FAT2: variants seen among roughly 807,000 people sequenced by gnomAD.
FAT2 encodes protocadherin Fat 2.
Under a neutral mutation model 295.3 loss-of-function variants are expected in FAT2, and 150 were observed. The ratio of observed to expected loss-of-function variants is 0.51; its 90% CI spans 0.44 to 0.58. The LOEUF is 0.58. FAT2 is among the 20% of genes least tolerant of loss of function. The pLI is 0.00. For synonymous variants in FAT2, 2,026 were observed against 2,150.3 expected, an observed-to-expected ratio of 0.94 and a Z score of 1.60; for missense variants, 4,868 against 5,442.7, an observed-to-expected ratio of 0.89 and a Z score of 3.32.
chr5:151,538,143 G>T (rs1431877290), intron 11 of FAT2, among the ~76,000 whole-genome samples, 197 bp from the exon 12 acceptor site: 1 of 151,934 alleles, frequency 6.6e-6, no homozygotes, highest in African/African-American at 2.4e-5. Flanking sequence ...GAACAGAGGA[G>T]GTAGAATAAG....
intron 11 of FAT2, among the ~76,000 whole-genome samples, chr5:151,538,208 C>T (rs768699875): frequency 6.6e-6 from 1 of 152,072 alleles, no homozygotes; most frequent in Non-Finnish European, 1.5e-5. Flanking sequence ...GACAAGAGAA[C>T]GAGTCAGAAA....
rs907946304 is a variant in FAT2 at position 151,525,646 on chromosome 5, G to A, written c.10506+122C>T. ...TTAGTCCTGAGAAGGACCTAGCCCA[G>A]TGCCTGATGCATCCTAAGTGCTTTG... On this transcript the variant is annotated intron_variant, in intron 18 of 23. Transcript: ENST00000261800. The A allele has an allele frequency of 3.8e-6, 4 of 1,062,180 alleles. No homozygotes were observed. In the African/African-American group the frequency reaches 4.7e-5, roughly 12 times the overall value. The allele number at this position is 1,062,180 out of a possible 1,614,324, so 65.8% of individuals were successfully genotyped here. A position where few individuals can be genotyped will look rare whatever the true frequency, so the allele number is the denominator to read the frequency against.
In FAT2 at chr5:151,505,434, G is replaced by A; in HGVS notation, c.*131C>T. 1.8e-6 allele frequency: 2 copies of A among 1,115,394 alleles called. No homozygotes were observed. Among genetic ancestry groups the A allele is most frequent in the Admixed American group, 2.6e-5 (1 of 37,854 alleles). The allele number at this position is 1,115,394 out of a possible 1,614,324, so 69.1% of individuals were successfully genotyped here. A position where few individuals can be genotyped will look rare whatever the true frequency, so the allele number is the denominator to read the frequency against. ...GGGGATTGGAAGAGCACATTTCAAG[G>A]GACAACAGCCTGGGCTGAGGGCTTC... On this transcript the variant is annotated 3_prime_UTR_variant, in exon 24 of 24. Transcript: ENST00000261800.
intron 8 of FAT2, 122 bp downstream of exon 8, chr5:151,550,468 C>T (rs1757088404): frequency 8.7e-7 from 1 of 1,154,348 alleles, no homozygotes. Flanking sequence ...TGAAATGTCA[C>T]AACTCTGTCT....
chr5:151,518,348 C>CTAATAATAATAATAATAATAATAA lies in FAT2; in HGVS notation c.11318-607_11318-584dup, dbSNP rs3056491. Among the ~76,000 whole-genome samples the CTAATAATAATAATAATAATAATAA allele has an allele frequency of 2.0e-3, 205 of 101,478 alleles. 2 individuals are homozygous for CTAATAATAATAATAATAATAATAA. The highest frequency in any genetic ancestry group is 5.8e-3 in the African/African-American group (204 of 35,318). 66.6% of individuals were successfully genotyped at this position (101,478 alleles called of 152,430 possible). A position where few individuals can be genotyped will look rare whatever the true frequency, so the allele number is the denominator to read the frequency against. ...TGGGTGACAGAGAGAGACCATGTCT[C>CTAATAATAATAATAATAATAATAA]TAATAATAATAATAATAATAATAAT... On this transcript the variant is annotated intron_variant, in intron 19 of 23. Coordinates refer to ENST00000261800, the MANE Select transcript of FAT2 (RefSeq NM_001447.3).
chr5:151,540,956 C>A (rs1756069601), intron 10 of FAT2, among the ~76,000 whole-genome samples, 193 bp from the exon 11 acceptor site: 1 of 152,198 alleles, frequency 6.6e-6, no homozygotes, highest in Admixed American at 6.5e-5. Flanking sequence ...ACTTCAAATG[C>A]CTCCTGTTGA....
At chr5:151,532,219 A>T (rs1327324284) in intron 13 of FAT2, among the ~76,000 whole-genome samples, 1 of 152,220 alleles carries the variant, frequency 6.6e-6, no homozygotes, top group Non-Finnish European at 1.5e-5. Flanking sequence ...CGAAAATATT[A>T]TGTGGGGATT....
At chr5:151,557,135 A>G (rs1048413489) in intron 3 of FAT2, among the ~76,000 whole-genome samples, 1 of 152,166 alleles carries the variant, frequency 6.6e-6, no homozygotes, top group African/African-American at 2.4e-5. Context: ...ACAAGGGTCA[A>G]TGTCAGCACT....
In FAT2 at chr5:151,504,177, A is replaced by C. The variant is rs1044182327; in HGVS notation, c.*1388T>G. 3.3e-5 allele frequency: 5 copies of C among 152,556 alleles called. No individual in the cohort carries two copies. The East Asian group carries it at 9.6e-4, about 29-fold the overall frequency. 9.5% of individuals were successfully genotyped at this position (152,556 alleles called of 1,614,324 possible). A position where few individuals can be genotyped will look rare whatever the true frequency, so the allele number is the denominator to read the frequency against. On this transcript the variant is annotated 3_prime_UTR_variant, in exon 24 of 24. Transcript: ENST00000261800. ...GTCACTCACACTCACAGTCACACAC[A>C]CAGCCACAAACCACTCACACAAATT...
At chr5:151,570,831 C>T (rs987182958) in intron 1 of FAT2, among the ~76,000 whole-genome samples, 12 of 152,300 alleles carry the variant, frequency 7.9e-5, no homozygotes, top group African/African-American at 2.4e-4. Context: ...CTTGGAGCCC[C>T]GTCTTGCCAG....
rs1442795157 is a variant in FAT2 at position 151,521,496 on chromosome 5, T to G, written c.11097A>C (p.Leu3699=). ...HSGTFYEFQE[L]ASIITHSAKE... The stretch of plus-strand genomic sequence containing the variant: ...TGGCTGAGTGAGTGATGATGGATGC[T>G]AGCTCCTGAAACTCGTAGAAGGTTC... The change falls in exon 19 of 24, where the codon CTA becomes CTC. Residue 3699 remains leucine, a synonymous_variant. Transcript: ENST00000261800. 2.5e-6 allele frequency: 4 copies of G among 1,614,242 alleles called. No individual in the cohort carries two copies. The highest frequency in any genetic ancestry group is 3.4e-6 in the Non-Finnish European group (4 of 1,180,028).
chr5:151,581,635 C>T (rs184245382), intron 1 of FAT2, among the ~76,000 whole-genome samples: 1 of 152,276 alleles, frequency 6.6e-6, no homozygotes, highest in African/African-American at 2.4e-5. Flanking sequence ...CTTACAGCAA[C>T]CTTATAATTA....
chr5:151,521,151 G>T, intron 19 of FAT2, 125 bp downstream of exon 19: 1 of 914,054 alleles, frequency 1.1e-6, no homozygotes, highest in African/African-American at 1.7e-5. Context: ...GGTGATTGGT[G>T]GCCTTTGGGC....
chr5:151,507,117 T>G, intron 23 of FAT2, 37 bp downstream of exon 23: 1 of 1,511,700 alleles, frequency 6.6e-7, no homozygotes. Context: ...CCCACTTCCA[T>G]CAATCCCAGA....
rs1486394610 is a variant in FAT2, at chr5:151,537,902, G to A, written c.9084C>T (p.His3028=). 1.2e-6 allele frequency: 2 copies of A among 1,614,048 alleles called. No homozygotes were observed. Among genetic ancestry groups the A allele is most frequent in the Middle Eastern group, 1.6e-4 (1 of 6,084 alleles). ...CTGTGGCAGAAACCTTCAAAATGAA[G>A]TGTCCTGGAAATACATCTTCATGAA... The part of the protein sequence containing the change: ...GKVHEDVFPG[H]FILKVSATDL... Residue 3028 remains histidine (H), a synonymous_variant, in exon 12 of 24, where the codon CAC becomes CAT. Coordinates refer to ENST00000261800, the MANE Select transcript of FAT2 (RefSeq NM_001447.3).
At chr5:151,520,715 C>A (rs748763914) in intron 19 of FAT2, among the ~76,000 whole-genome samples, 16 of 152,170 alleles carry the variant, frequency 1.1e-4, no homozygotes, top group Non-Finnish European at 2.1e-4. Flanking sequence ...TAACAATACA[C>A]CCAAAGTTAC....
rs982109518 is a variant in FAT2, at chr5:151,504,864, G to C, written c.*701C>G. 6.6e-6 allele frequency: 1 copy of C among 152,670 alleles called. No individual in the cohort carries two copies. Among genetic ancestry groups the C allele is most frequent in the East Asian group, 1.9e-4 (1 of 5,192 alleles). 9.5% of individuals were successfully genotyped at this position (152,670 alleles called of 1,614,324 possible). A position where few individuals can be genotyped will look rare whatever the true frequency, so the allele number is the denominator to read the frequency against. Reference sequence around the variant, plus strand: ...AGTGGTGTGACTCTGAGGTGGGCCCGTTCCTCTGCGTGTAGGCTGAGGAGT... The same window carrying C: ...AGTGGTGTGACTCTGAGGTGGGCCCCTTCCTCTGCGTGTAGGCTGAGGAGT... On this transcript the variant is annotated 3_prime_UTR_variant, in exon 24 of 24. Transcript: ENST00000261800.
upstream of FAT2, among the ~76,000 whole-genome samples, chr5:151,592,102 G>A (rs1156685735): frequency 6.6e-6 from 1 of 152,166 alleles, no homozygotes; most frequent in Admixed American, 6.5e-5. Flanking sequence ...GCTCACTGGG[G>A]TGCAGGACGC....
chr5:151,578,436 T>C (rs1254813985), intron 1 of FAT2, among the ~76,000 whole-genome samples: 3 of 152,138 alleles, frequency 2.0e-5, no homozygotes, highest in Non-Finnish European at 2.9e-5. Flanking sequence ...TAGATTATGT[T>C]GGGATGACTA....
Sources: allele counts gnomAD v4.1 joint callset (sites outside exome capture counted in the v4.1 genomes callset), GRCh38; gene constraint gnomAD v4.1.1; transcripts MANE v1.5; gene names NCBI Gene and HGNC (gene_info 2026-07-23, HGNC 2026-07-21).